Variants in DAB1 observed in about 807,000 individuals in gnomAD.
The protein encoded by DAB1 is DAB adaptor protein 1, also known as disabled homolog 1.
A neutral mutation model predicts 64.6 loss-of-function variants in DAB1; 15 were observed. That is an observed-to-expected ratio of 0.23 (90% CI 0.16 to 0.36). DAB1 has a LOEUF of 0.36. Ranked by LOEUF, DAB1 falls within the 10% of genes least tolerant of loss-of-function variation. The pLI is 1.00. For synonymous variants in DAB1, 235 were observed against 251.9 expected (o/e 0.93, Z 0.64); for missense variants, 596 against 706.7 (o/e 0.84, Z 1.78).
chr1:58,527,784 T>C (rs1185628411), intron 1 of DAB1, among the ~76,000 whole-genome samples: 2 of 152,240 alleles, frequency 1.3e-5, no homozygotes, highest in African/African-American at 4.8e-5. Flanking sequence ...ATTAACCATA[T>C]AGCAGAATGC....
At chr1:57,665,571 A>G (rs1172799847) in intron 6 of DAB1, among the ~76,000 whole-genome samples, 1 of 152,174 alleles carries the variant, frequency 6.6e-6, no homozygotes, top group Admixed American at 6.5e-5. Context: ...GTGTAAGATT[A>G]TTTATGACAG....
chr1:57,559,259 T>C (rs1256349881), intron 7 of DAB1, among the ~76,000 whole-genome samples: 2 of 152,192 alleles, frequency 1.3e-5, no homozygotes, highest in African/African-American at 4.8e-5. Context: ...AGCAGAAAAC[T>C]TCTATTTCGA....
At chr1:57,318,880 C>T (rs930687676) in intron 1 of DAB1, among the ~76,000 whole-genome samples, 1 of 152,152 alleles carries the variant, frequency 6.6e-6, no homozygotes, top group African/African-American at 2.4e-5. Context: ...CAGTTCTATG[C>T]CTGCTCTTTA....
chr1:58,164,932 G>T (rs1655746628), intron 4 of DAB1, among the ~76,000 whole-genome samples: 1 of 152,060 alleles, frequency 6.6e-6, no homozygotes, highest in African/African-American at 2.4e-5. Context: ...ATTTCATTTG[G>T]CTAACATTTA....
chr1:57,102,635 G>T (rs972729824), intron 4 of DAB1, among the ~76,000 whole-genome samples: 17 of 152,106 alleles, frequency 1.1e-4, no homozygotes, highest in African/African-American at 4.1e-4. Context: ...CATCGAGAAG[G>T]CTTTTATCTT....
chr1:58,242,589 A>T (rs1173327732), intron 4 of DAB1, among the ~76,000 whole-genome samples: 1 of 152,172 alleles, frequency 6.6e-6, no homozygotes, highest in Non-Finnish European at 1.5e-5. Flanking sequence ...ACTAACCTTT[A>T]TATCATTTTA....
At chr1:58,460,391 A>C (rs1045264667) in intron 3 of DAB1, among the ~76,000 whole-genome samples, 1 of 152,122 alleles carries the variant, frequency 6.6e-6, no homozygotes, top group Non-Finnish European at 1.5e-5. Flanking sequence ...CTTTCTTCTA[A>C]TTGGGGTGTT....
At chr1:58,410,290 C>T (rs1014994262) in intron 3 of DAB1, among the ~76,000 whole-genome samples, 2 of 152,170 alleles carry the variant, frequency 1.3e-5, no homozygotes, top group East Asian at 3.9e-4. Flanking sequence ...CCATAAATCA[C>T]TTCCAGCCTT....
chr1:57,173,200 G>T (rs187055695), intron 2 of DAB1, among the ~76,000 whole-genome samples: 1 of 152,104 alleles, frequency 6.6e-6, no homozygotes, highest in Non-Finnish European at 1.5e-5. Context: ...GCCAGCAACA[G>T]CTTCCAGTTC....
chr1:57,335,448 A>G (rs1292817265), intron 1 of DAB1, among the ~76,000 whole-genome samples: 1 of 152,216 alleles, frequency 6.6e-6, no homozygotes, highest in Non-Finnish European at 1.5e-5. Context: ...GCATTTCAAG[A>G]ACAATTCAGG....
chr1:57,989,766 G>A (rs553396347), intron 5 of DAB1, among the ~76,000 whole-genome samples: 102 of 152,230 alleles, frequency 6.7e-4, no homozygotes, highest in African/African-American at 2.3e-3. Flanking sequence ...TCTTCTGCCT[G>A]TTTGCTTGAT....
chr1:58,457,445 T>C (rs937425459), intron 3 of DAB1, among the ~76,000 whole-genome samples: 3 of 152,152 alleles, frequency 2.0e-5, no homozygotes, highest in Non-Finnish European at 4.4e-5. Context: ...CCAAACCCCT[T>C]ATTAAGCGGC....
chr1:57,224,446 G>T (rs945647025), intron 2 of DAB1, among the ~76,000 whole-genome samples: 1 of 152,132 alleles, frequency 6.6e-6, no homozygotes, highest in African/African-American at 2.4e-5. Flanking sequence ...TTTTAGCATT[G>T]GTAGAAGGCT....
At chr1:58,529,232 A>G (rs1646396355) in intron 1 of DAB1, among the ~76,000 whole-genome samples, 1 of 152,230 alleles carries the variant, frequency 6.6e-6, no homozygotes, top group South Asian at 2.1e-4. Flanking sequence ...GTCTCATAGA[A>G]TTTTGCACAT....
chr1:58,129,344 CTCT>C (rs1460253130), intron 5 of DAB1, among the ~76,000 whole-genome samples: 1 of 147,874 alleles, frequency 6.8e-6, no homozygotes, highest in Non-Finnish European at 1.5e-5. Flanking sequence ...TGATTCTTCT[CTCT>C]TTTTTTCTTT....
chr1:57,654,804 A>C (rs1290924188), intron 6 of DAB1, among the ~76,000 whole-genome samples: 1 of 152,176 alleles, frequency 6.6e-6, no homozygotes, highest in African/African-American at 2.4e-5. Context: ...TCAGTATTAA[A>C]CACTTAATTT....
At chr1:57,875,757 T>C (rs1271497458) in intron 1 of DAB1, among the ~76,000 whole-genome samples, 1 of 152,206 alleles carries the variant, frequency 6.6e-6, no homozygotes, top group Non-Finnish European at 1.5e-5. Context: ...CTGAAGGGAA[T>C]TCTCCAAGCC....
chr1:57,124,573 A>G (rs1290834607), intron 4 of DAB1, among the ~76,000 whole-genome samples: 1 of 152,232 alleles, frequency 6.6e-6, no homozygotes, highest in African/African-American at 2.4e-5. Flanking sequence ...TGAAAGATTC[A>G]GATCTCAGGC....
chr1:57,683,346 G>T (rs1458182683), intron 6 of DAB1, among the ~76,000 whole-genome samples: 1 of 152,104 alleles, frequency 6.6e-6, no homozygotes, highest in Non-Finnish European at 1.5e-5. Flanking sequence ...ATGGGAGGGG[G>T]CTCCCTGAAA....
Sources: gnomAD v4.1 joint callset for allele counts (sites outside exome capture counted in the v4.1 genomes callset) on GRCh38, gnomAD v4.1.1 for gene constraint, MANE v1.5 for transcripts, NCBI Gene and HGNC (gene_info 2026-07-23, HGNC 2026-07-21) for gene names.